CSMD1: variants seen among roughly 807,000 people sequenced by gnomAD.
The protein encoded by CSMD1 is CUB and Sushi multiple domains 1, also known as CUB and sushi domain-containing protein 1.
In CSMD1, 213 loss-of-function variants were observed where a neutral mutation model predicts 417.5. The observed-to-expected ratio is 0.51, with a 90% CI of 0.46 to 0.57. CSMD1 has a LOEUF of 0.57. CSMD1 is among the 20% of genes least tolerant of loss of function. The pLI is 0.00. For missense variants in CSMD1, 6,923 were observed against 4,529.7 expected (o/e 1.53, Z -15.17); for synonymous variants, 2,862 against 1,736.8 (o/e 1.65, Z -16.11).
chr8:4,403,268 A>G (rs1447179954), intron 3 of CSMD1, among the ~76,000 whole-genome samples: 1 of 152,242 alleles, frequency 6.6e-6, no homozygotes, highest in African/African-American at 2.4e-5. Flanking sequence ...AAAACAGTCA[A>G]CAATGAACAT....
intron 1 of CSMD1, among the ~76,000 whole-genome samples, chr8:4,743,791 G>C (rs1451834171): frequency 6.6e-6 from 1 of 152,110 alleles, no homozygotes; most frequent in Non-Finnish European, 1.5e-5. Flanking sequence ...AGAGGCCTTC[G>C]ATACCCTCAG....
At chr8:4,713,961 A>C (rs1167927221) in intron 1 of CSMD1, among the ~76,000 whole-genome samples, 5 of 152,102 alleles carry the variant, frequency 3.3e-5, no homozygotes, top group Non-Finnish European at 4.4e-5. Flanking sequence ...CCTGGCCAAC[A>C]TGGTAAAACC....
chr8:4,442,380 C>A (rs1798536538), intron 2 of CSMD1, among the ~76,000 whole-genome samples: 1 of 152,124 alleles, frequency 6.6e-6, no homozygotes, highest in African/African-American at 2.4e-5. Context: ...GAGATTTCTA[C>A]CATTAACAAA....
intron 7 of CSMD1, among the ~76,000 whole-genome samples, chr8:3,617,249 A>G (rs779601751): frequency 6.6e-6 from 1 of 152,222 alleles, no homozygotes; most frequent in Non-Finnish European, 1.5e-5. Context: ...TGTATATTTT[A>G]AACATTGAAG....
intron 6 of CSMD1, among the ~76,000 whole-genome samples, chr8:3,725,666 CCGGTCT>C (rs1802441195): frequency 2.6e-5 from 4 of 151,756 alleles, no homozygotes; most frequent in African/African-American, 9.7e-5. Flanking sequence ...AGTGGAGGAC[CCGGTCT>C]CAGATGTGGC....
chr8:4,775,581 A>G (rs1015940600), intron 1 of CSMD1, among the ~76,000 whole-genome samples: 3 of 152,242 alleles, frequency 2.0e-5, no homozygotes, highest in African/African-American at 7.2e-5. Context: ...ACAGAATAAA[A>G]AAGATATTTT....
At chr8:4,372,968 G>A (rs370448363) in intron 3 of CSMD1, among the ~76,000 whole-genome samples, 13 of 152,316 alleles carry the variant, frequency 8.5e-5, no homozygotes, top group African/African-American at 3.1e-4. Context: ...TGTGGCAAGA[G>A]GAAAATATAA....
chr8:3,803,996 C>A (rs992983013), intron 5 of CSMD1, among the ~76,000 whole-genome samples: 1 of 152,062 alleles, frequency 6.6e-6, no homozygotes, highest in African/African-American at 2.4e-5. Context: ...GGCGTGATCT[C>A]GGCTCACTGC....
intron 4 of CSMD1, among the ~76,000 whole-genome samples, chr8:3,999,804 G>T (rs1815517934): frequency 6.6e-6 from 1 of 152,158 alleles, no homozygotes; most frequent in Admixed American, 6.5e-5. Context: ...CTACATGAGG[G>T]ATGGGTGTTC....
chr8:4,077,540 G>T (rs901661837), intron 3 of CSMD1, among the ~76,000 whole-genome samples: 1 of 151,746 alleles, frequency 6.6e-6, no homozygotes, highest in African/African-American at 2.4e-5. Context: ...AGTCACTCTG[G>T]TCAAAACAAC....
chr8:3,982,892 T>A (rs1054758146), intron 5 of CSMD1, among the ~76,000 whole-genome samples: 3 of 152,196 alleles, frequency 2.0e-5, no homozygotes, highest in Non-Finnish European at 2.9e-5. Context: ...TTTCCTACCC[T>A]TGCCTTTACA....
intron 7 of CSMD1, among the ~76,000 whole-genome samples, chr8:3,671,560 C>T (rs1173403389): frequency 0.019 from 121 of 6,532 alleles, 18 homozygotes; most frequent in Non-Finnish European, 0.032. Flanking sequence ...TATATATGAT[C>T]ATATATATAT....
chr8:4,716,422 A>C (rs539855700), intron 1 of CSMD1, among the ~76,000 whole-genome samples: 1 of 152,318 alleles, frequency 6.6e-6, no homozygotes, highest in South Asian at 2.1e-4. Flanking sequence ...AAATGTATAC[A>C]AGGGACATCA....
intron 4 of CSMD1, among the ~76,000 whole-genome samples, chr8:4,011,816 A>T (rs1816559981): frequency 6.6e-6 from 1 of 152,194 alleles, no homozygotes; most frequent in Non-Finnish European, 1.5e-5. Flanking sequence ...ACACTGGAAT[A>T]ATATGTGCAC....
intron 52 of CSMD1, among the ~76,000 whole-genome samples, chr8:3,011,185 C>G (rs893623384): frequency 6.6e-6 from 1 of 152,084 alleles, no homozygotes; most frequent in Admixed American, 6.6e-5. Context: ...AGAAATATGA[C>G]AGAAAAACCC....
At chr8:4,847,626 C>T (rs1195599650) in intron 1 of CSMD1, among the ~76,000 whole-genome samples, 1 of 152,044 alleles carries the variant, frequency 6.6e-6, no homozygotes, top group African/African-American at 2.4e-5. Flanking sequence ...TCCAGGACCC[C>T]ACCGAGGACC....
chr8:4,632,641 C>T (rs1427844287), intron 2 of CSMD1, among the ~76,000 whole-genome samples: 1 of 152,054 alleles, frequency 6.6e-6, no homozygotes, highest in Non-Finnish European at 1.5e-5. Context: ...ATATACAAGC[C>T]CCGAGCCCCA....
At chr8:4,823,796 G>C (rs1211202856) in intron 1 of CSMD1, among the ~76,000 whole-genome samples, 3 of 151,850 alleles carry the variant, frequency 2.0e-5, no homozygotes, top group Non-Finnish European at 2.9e-5. Flanking sequence ...GTCTCATGGA[G>C]TGGTGAGTAG....
At chr8:4,639,991 T>A (rs1243062781) in intron 1 of CSMD1, among the ~76,000 whole-genome samples, 1 of 152,146 alleles carries the variant, frequency 6.6e-6, no homozygotes, top group Non-Finnish European at 1.5e-5. Flanking sequence ...AATTCTTGCT[T>A]AACAGTAAAT....
Sources: allele counts gnomAD v4.1 joint callset (sites outside exome capture counted in the v4.1 genomes callset), GRCh38; gene constraint gnomAD v4.1.1; transcripts MANE v1.5; gene names NCBI Gene and HGNC (gene_info 2026-07-23, HGNC 2026-07-21).